P3R3URF: variants seen among roughly 807,000 people sequenced by gnomAD.
P3R3URF encodes PIK3R3 upstream open reading frame.
Under a neutral mutation model 8.0 loss-of-function variants are expected in P3R3URF, and 6 were observed. The ratio of observed to expected loss-of-function variants is 0.75; its 90% CI spans 0.41 to 1.47. The LOEUF is 1.47. Ranked by LOEUF, P3R3URF falls within the 40% of genes most tolerant of loss-of-function variation. P3R3URF has a pLI of 0.01. For synonymous variants in P3R3URF, 39 were observed against 36.7 expected, an observed-to-expected ratio of 1.06 and a Z score of -0.23; for missense variants, 121 against 117.3, an observed-to-expected ratio of 1.03 and a Z score of -0.14.
chr1:46,175,647 AG>A lies in P3R3URF; in HGVS notation c.245-19del, dbSNP rs1173185647. On this transcript the variant is annotated intron_variant, in intron 1 of 1. Coordinates refer to ENST00000506599, the MANE Select transcript of P3R3URF (RefSeq NM_001328655.2). ...TCTGAGAACTGAGGAGAGGAAGGAG[AG>A]GGAAGAGTTTGAGGAAGGAAGCAGT... 2.5e-6 allele frequency: 1 copy of A among 399,330 alleles called. No individual in the cohort carries two copies. The highest frequency in any genetic ancestry group is 4.4e-6 in the Non-Finnish European group (1 of 226,712). 24.7% of individuals were successfully genotyped at this position (399,330 alleles called of 1,614,324 possible).
At chr1:46,176,155 A>C (rs12030928) in intron 1 of P3R3URF, 73 bp downstream of exon 1, 13 of 1,505,282 alleles carry the variant, frequency 8.6e-6, no homozygotes, top group Admixed American at 5.9e-5. Flanking sequence ...GATTACAGGC[A>C]TGAGCCACCG....
chr1:46,175,903 A>T (rs550041105), intron 1 of P3R3URF: 35 of 422,636 alleles, frequency 8.3e-5, no homozygotes, highest in South Asian at 4.7e-5. Flanking sequence ...GACAGAGTCT[A>T]GCTCTGTCAC....
intron 1 of P3R3URF, 142 bp downstream of exon 1, chr1:46,176,086 A>G (rs1355545021): frequency 5.7e-6 from 5 of 878,604 alleles, no homozygotes; most frequent in South Asian, 1.7e-5. Flanking sequence ...CGTGTTAGCC[A>G]GGATGGTCTC....
intron 1 of P3R3URF, chr1:46,175,973 A>C (rs1273700790): frequency 1.9e-6 from 1 of 522,922 alleles, no homozygotes; most frequent in Non-Finnish European, 3.4e-6. Context: ...CCCGGGTTCA[A>C]GCAATTCTCC....
rs1337721574 is a variant in P3R3URF, at chr1:46,176,452, A to ACAAGCC, written c.14_19dup (p.Leu6_Val7insGlyLeu). 1 of 1,535,726 alleles carries ACAAGCC rather than the reference A, an allele frequency of 6.5e-7. No homozygotes were observed. Among genetic ancestry groups the ACAAGCC allele is most frequent in the African/African-American group, 1.4e-5 (1 of 73,182 alleles). On this transcript the variant is annotated inframe_insertion, in exon 1 of 2. Coordinates refer to ENST00000506599, the MANE Select transcript of P3R3URF (RefSeq NM_001328655.2). The stretch of plus-strand genomic sequence containing the variant: ...CATGCCCTGGGGCCGAGGGCCACGG[A>ACAAGCC]CAAGCCGAGATGGCCCCATGGGCAC...
chr1:46,175,984 T>C, intron 1 of P3R3URF: 1 of 527,312 alleles, frequency 1.9e-6, no homozygotes, highest in Non-Finnish European at 3.4e-6. Context: ...GCAATTCTCC[T>C]GCCTCAGCCT....
Position 46,176,402 on chromosome 1 carries a change from T to C in P3R3URF, c.70A>G (p.Met24Val), listed in dbSNP as rs1462467499. The C allele has an allele frequency of 6.5e-7, 1 of 1,535,758 alleles. No homozygotes were observed. Among genetic ancestry groups the C allele is most frequent in the Admixed American group, 2.0e-5 (1 of 51,008 alleles). The change falls in exon 1 of 2, where the codon ATG becomes GTG. Residue 24 changes from methionine to valine, a missense_variant. Physicochemically the swap from Met to Val is conservative, Grantham distance 21. Transcript: ENST00000506599. ...GMRSPYRRPG[M>V]GWPRPRFPRM... ...GGAAATCGGGGCCTGGGCCAGCCCATACCTGGCCTGCGGTAGGGGGAACGC... is the reference window on the plus strand; with the variant it reads ...GGAAATCGGGGCCTGGGCCAGCCCACACCTGGCCTGCGGTAGGGGGAACGC...
At chr1:46,176,027 C>A (rs781035560) in intron 1 of P3R3URF, among the ~76,000 whole-genome samples, 1 of 152,202 alleles carries the variant, frequency 6.6e-6, no homozygotes. Flanking sequence ...CGTGTGCCAC[C>A]ACGCCCGGCT....
rs1657153117 is a variant in P3R3URF, at chr1:46,176,217, C to T, written c.244+11G>A. On this transcript the variant is annotated intron_variant, in intron 1 of 1. Transcript: ENST00000506599. ...AAAACCCCACCCTGGCTCACAGGCC[C>T]CCTGGCTAACCTTGAGGTGGGAAGA... 1 of 1,534,762 alleles carries T rather than the reference C, an allele frequency of 6.5e-7. No homozygotes were observed. The highest frequency in any genetic ancestry group is 8.7e-7 in the Non-Finnish European group (1 of 1,146,330).
rs980112967 is a variant in P3R3URF at position 46,176,376 on chromosome 1, G to C, written c.96C>G (p.Pro32=). 3 of 1,535,740 alleles carry C rather than the reference G, an allele frequency of 2.0e-6. No individual in the cohort carries two copies. The highest frequency in any genetic ancestry group is 1.2e-5 in the South Asian group (1 of 84,068). Residue 32 remains proline, a synonymous_variant, in exon 1 of 2, where the codon CCC becomes CCG. Coordinates refer to ENST00000506599, the MANE Select transcript of P3R3URF (RefSeq NM_001328655.2). The part of the protein sequence containing the change: ...PGMGWPRPRF[P]RMFKCSRRRY... ...TTCTGCGGCTACACTTGAACATCCT[G>C]GGAAATCGGGGCCTGGGCCAGCCCA...
chr1:46,176,374 C>T lies in P3R3URF; in HGVS notation c.98G>A (p.Arg33Lys), dbSNP rs1219005058. The T allele has an allele frequency of 3.6e-5, 56 of 1,535,644 alleles. No homozygotes were observed. Among genetic ancestry groups the T allele is most frequent in the Non-Finnish European group, 4.5e-5 (52 of 1,146,928 alleles). Residue 33 changes from arginine to lysine, a missense_variant, in exon 1 of 2, where the codon AGG (arginine) becomes AAG (lysine). Coordinates refer to ENST00000506599, the MANE Select transcript of P3R3URF (RefSeq NM_001328655.2). ...GMGWPRPRFPRMFKCSRRRYQ... is the reference protein window; with the variant it reads ...GMGWPRPRFPKMFKCSRRRYQ... ...TCTTCTGCGGCTACACTTGAACATC[C>T]TGGGAAATCGGGGCCTGGGCCAGCC...
intron 1 of P3R3URF, 187 bp from the exon 2 acceptor site, chr1:46,175,816 G>T (rs1349424412): frequency 1.2e-5 from 5 of 431,846 alleles, no homozygotes; most frequent in Middle Eastern, 5.9e-4. Flanking sequence ...ATTTCACAGA[G>T]ATCATCCTTT....
chr1:46,176,099 T>A (rs979155498), intron 1 of P3R3URF, 129 bp downstream of exon 1: 16 of 986,688 alleles, frequency 1.6e-5, no homozygotes, highest in Admixed American at 7.0e-5. Flanking sequence ...ATGGTCTCGA[T>A]CTCCTGACCT....
rs976727101 is a variant in P3R3URF at position 46,176,437 on chromosome 1, G to A, written c.35C>T (p.Pro12Leu). 1.8e-5 allele frequency: 28 copies of A among 1,535,754 alleles called. No individual in the cohort carries two copies. Among genetic ancestry groups the A allele is most frequent in the Non-Finnish European group, 2.4e-5 (28 of 1,146,916 alleles). The change falls in exon 1 of 2, where the codon CCC (proline) becomes CTC (leucine). Residue 12 changes from proline (P) to leucine (L), a missense_variant. Physicochemically the swap from Pro to Leu is moderately conservative, Grantham distance 98 (BLOSUM62 -3). Transcript: ENST00000506599. ...GCGGTAGGGGGAACGCATGCCCTGG[G>A]GCCGAGGGCCACGGACAAGCCGAGA... ...GPSRLVRGPR[P>L]QGMRSPYRRP...
At chr1:46,175,865 G>C (rs1657126989) in intron 1 of P3R3URF, 2 of 432,128 alleles carry the variant, frequency 4.6e-6, no homozygotes, top group African/African-American at 4.1e-5. Flanking sequence ...AATCTTCACT[G>C]GCTCTGGTTT....
rs889578261 is a variant in P3R3URF, at chr1:46,176,252, T to C, written c.220A>G (p.Ile74Val). The C allele has an allele frequency of 9.1e-6, 14 of 1,535,608 alleles. No homozygotes were observed. In the African/African-American group the frequency reaches 9.6e-5, roughly 11 times the overall value. The change falls in exon 1 of 2, where the codon ATA becomes GTA. Residue 74 changes from isoleucine to valine, a missense_variant. Coordinates refer to ENST00000506599, the MANE Select transcript of P3R3URF (RefSeq NM_001328655.2). ...GINNTHTDTT[I>V]VWIFPPQVLR... ...CCTTGAGGTGGGAAGATCCACACTA[T>C]GGTGGTGTCAGTGTGGGTGTTGTTG...
intron 1 of P3R3URF, 115 bp from the exon 2 acceptor site, chr1:46,175,744 T>C: frequency 5.0e-6 from 2 of 402,946 alleles, no homozygotes; most frequent in South Asian, 1.3e-4. Context: ...CCATCCTCCA[T>C]TAAGGCTGTC....
rs142891982 is a variant in P3R3URF at position 46,176,139 on chromosome 1, T to G, written c.244+89A>C. The G allele has an allele frequency of 5.3e-3, 7,681 of 1,451,480 alleles. 353 individuals carry two copies. In the African/African-American group the frequency reaches 0.095, roughly 18 times the overall value. The allele number at this position is 1,451,480 out of a possible 1,614,324, so 89.9% of individuals were successfully genotyped here. ...ATCTGCCCGCCTTGGCCTCCCAAAG[T>G]GCCGGGATTACAGGCATGAGCCACC... On this transcript the variant is annotated intron_variant, in intron 1 of 1. Transcript: ENST00000506599.
In P3R3URF at chr1:46,176,273, T is replaced by C; in HGVS notation, c.199A>G (p.Asn67Asp). The C allele has an allele frequency of 1.3e-6, 2 of 1,535,758 alleles. No homozygotes were observed. The highest frequency in any genetic ancestry group is 8.7e-7 in the Non-Finnish European group (1 of 1,146,896). The change falls in exon 1 of 2, where the codon AAC becomes GAC. Residue 67 changes from asparagine (N) to aspartate (D), a missense_variant. By Grantham distance (23) the Asn-to-Asp change is conservative (BLOSUM62 1). Coordinates refer to ENST00000506599, the MANE Select transcript of P3R3URF (RefSeq NM_001328655.2). The part of the protein sequence containing the change: ...NPATRAMGIN[N>D]THTDTTIVWI... ...ACTATGGTGGTGTCAGTGTGGGTGT[T>C]GTTGATACCCATGGCCCTGGTGGCA...
Sources: gnomAD v4.1 joint callset for allele counts (sites outside exome capture counted in the v4.1 genomes callset) on GRCh38, gnomAD v4.1.1 for gene constraint, MANE v1.5 for transcripts, NCBI Gene and HGNC (gene_info 2026-07-23, HGNC 2026-07-21) for gene names.